The following PATJ variants were observed in gnomAD, a reference collection of about 807,000 sequenced individuals.
The protein encoded by PATJ is inaD-like protein.
PATJ carries 190 observed loss-of-function variants against 224.9 expected under a neutral mutation model. The observed-to-expected ratio is 0.84, with a 90% CI of 0.75 to 0.95. The LOEUF is 0.95. PATJ is among the 40% of genes least tolerant of loss of function. The pLI, the probability that PATJ is intolerant of heterozygous loss-of-function variation, is 0.00. For synonymous variants in PATJ, 769 were observed against 820.3 expected, an observed-to-expected ratio of 0.94 and a Z score of 1.07; for missense variants, 2,121 against 2,270.3, an observed-to-expected ratio of 0.93 and a Z score of 1.34.
rs544887813 is a variant in PATJ, at chr1:61,774,058, T to C, written c.721-1148T>C. On this transcript the variant is annotated intron_variant, in intron 6 of 43. Coordinates refer to ENST00000642238, the MANE Select transcript of PATJ (RefSeq NM_001350145.3). ...TGGCGTGAACCTGGGAGGTGGAGCT[T>C]GCAGTGAGCCGAGATCACACCACTG... 3.0e-3 allele frequency among the ~76,000 whole-genome samples: 401 copies of C among 131,912 alleles called. 2 individuals are homozygous for C. The highest frequency in any genetic ancestry group is 0.011 in the African/African-American group (383 of 33,784). 86.5% of individuals were successfully genotyped at this position (131,912 alleles called of 152,430 possible).
At chr1:62,087,889 T>A (rs1350962143) in intron 33 of PATJ, among the ~76,000 whole-genome samples, 1 of 146,604 alleles carries the variant, frequency 6.8e-6, no homozygotes, top group Non-Finnish European at 1.5e-5. Context: ...AATAATTCTT[T>A]GTAATTTTTT....
chr1:61,906,561 G>T (rs1671887052), intron 24 of PATJ, among the ~76,000 whole-genome samples: 1 of 152,146 alleles, frequency 6.6e-6, no homozygotes, highest in Admixed American at 6.6e-5. Context: ...TATACCACAG[G>T]CACACACATC....
intron 17 of PATJ, among the ~76,000 whole-genome samples, chr1:61,837,852 G>A (rs998040034): frequency 1.3e-5 from 2 of 150,362 alleles, no homozygotes; most frequent in Non-Finnish European, 3.0e-5. Flanking sequence ...TTAGTCTATA[G>A]AACAATAGGG....
chr1:61,916,748 A>G (rs1188191047), intron 26 of PATJ, among the ~76,000 whole-genome samples: 1 of 152,208 alleles, frequency 6.6e-6, no homozygotes, highest in Non-Finnish European at 1.5e-5. Context: ...TTGTATTATT[A>G]CTTGAATCAG....
chr1:61,887,873 C>T (rs1669104259), intron 22 of PATJ, among the ~76,000 whole-genome samples: 1 of 152,120 alleles, frequency 6.6e-6, no homozygotes, highest in Non-Finnish European at 1.5e-5. Context: ...GCTTAATTGG[C>T]TTTAAACATT....
chr1:62,149,158 C>CTAGGGAGCA (rs979685051), intron 42 of PATJ, among the ~76,000 whole-genome samples: 6 of 126,108 alleles, frequency 4.8e-5, no homozygotes, highest in African/African-American at 1.9e-4. Context: ...GAGGAGTAAT[C>CTAGGGAGCA]TAGGGAGCAT....
chr1:61,871,525 ATG>A lies in PATJ; in HGVS notation c.2836-3704_2836-3703del, dbSNP rs1403314055. The stretch of plus-strand genomic sequence containing the variant: ...TACATATATACGCATATATATAAAT[ATG>A]TGTGTGTGTGTGTATATATATATAT... On this transcript the variant is annotated intron_variant, in intron 20 of 43. Transcript: ENST00000642238. Among the ~76,000 whole-genome samples, 19 of 118,502 alleles carry A rather than the reference ATG, an allele frequency of 1.6e-4. 1 individual carries two copies. The highest frequency in any genetic ancestry group is 4.3e-3 in the Middle Eastern group (1 of 232). 77.7% of individuals were successfully genotyped at this position (118,502 alleles called of 152,430 possible).
intron 1 of PATJ, among the ~76,000 whole-genome samples, chr1:61,746,932 G>C (rs17378676): frequency 0.065 from 9,899 of 152,276 alleles, 373 homozygotes; most frequent in South Asian, 0.16. Flanking sequence ...TTGTGATTCT[G>C]AGACAATGAC....
intron 27 of PATJ, among the ~76,000 whole-genome samples, chr1:61,973,350 G>T (rs752001677): frequency 6.6e-6 from 1 of 151,974 alleles, no homozygotes; most frequent in Non-Finnish European, 1.5e-5. Flanking sequence ...GAAATAATAC[G>T]TATGTACAGG....
At chr1:61,996,749 T>TTTTC (rs1558012162) in intron 28 of PATJ, among the ~76,000 whole-genome samples, 70 of 142,080 alleles carry the variant, frequency 4.9e-4, no homozygotes, top group African/African-American at 1.7e-3. Context: ...TTCTTTTTTT[T>TTTTC]TTTTTTTTTT....
At chr1:62,092,847 T>C (rs1660948809) in intron 33 of PATJ, among the ~76,000 whole-genome samples, 2 of 151,982 alleles carry the variant, frequency 1.3e-5, no homozygotes, top group Admixed American at 6.6e-5. Context: ...ATTCAAGAGA[T>C]TCTCCTGCCT....
intron 33 of PATJ, among the ~76,000 whole-genome samples, chr1:62,091,275 T>C (rs1180604097): frequency 2.0e-5 from 3 of 152,194 alleles, no homozygotes; most frequent in East Asian, 1.9e-4. Context: ...AAAGGCACCA[T>C]AGCAGAGTAA....
At chr1:62,154,880 C>G (rs1185805824) in intron 43 of PATJ, among the ~76,000 whole-genome samples, 1 of 152,072 alleles carries the variant, frequency 6.6e-6, no homozygotes, top group Non-Finnish European at 1.5e-5. Context: ...GCACATTTAC[C>G]CCCTTCCTGC....
chr1:62,066,492 T>G (rs1043966079), intron 31 of PATJ, among the ~76,000 whole-genome samples: 2 of 151,976 alleles, frequency 1.3e-5, no homozygotes, highest in Non-Finnish European at 2.9e-5. Context: ...CAAGCAGTCT[T>G]CCTGCCACAG....
At chr1:61,960,569 A>G (rs1681123102) in intron 27 of PATJ, among the ~76,000 whole-genome samples, 1 of 152,018 alleles carries the variant, frequency 6.6e-6, no homozygotes, top group African/African-American at 2.4e-5. Flanking sequence ...AGGCTGAGGC[A>G]GAAGAATCAG....
intron 15 of PATJ, among the ~76,000 whole-genome samples, chr1:61,826,161 G>A (rs781031968): frequency 1.3e-5 from 2 of 152,160 alleles, no homozygotes; most frequent in African/African-American, 2.4e-5. Flanking sequence ...TAATTAAGAG[G>A]CAGGGAGATA....
chr1:61,797,866 G>A (rs1460941188), intron 11 of PATJ, among the ~76,000 whole-genome samples: 2 of 151,572 alleles, frequency 1.3e-5, no homozygotes, highest in Non-Finnish European at 2.9e-5. Context: ...GCAGTGGCAC[G>A]ATCTTGGCTT....
chr1:61,911,132 G>A (rs570619408), intron 25 of PATJ, among the ~76,000 whole-genome samples: 10 of 152,200 alleles, frequency 6.6e-5, no homozygotes, highest in East Asian at 1.9e-4. Context: ...TGAATTGAGC[G>A]GTTGTTTTTA....
intron 15 of PATJ, among the ~76,000 whole-genome samples, chr1:61,826,862 AGT>A (rs1365401539): frequency 2.0e-5 from 3 of 152,146 alleles, no homozygotes; most frequent in African/African-American, 7.2e-5. Flanking sequence ...TGGTATTAAG[AGT>A]GTGTGGGATG....
Sources: allele counts gnomAD v4.1 joint callset (sites outside exome capture counted in the v4.1 genomes callset), GRCh38; gene constraint gnomAD v4.1.1; transcripts MANE v1.5; gene names NCBI Gene and HGNC (gene_info 2026-07-23, HGNC 2026-07-21).